The following CSMD3 variants were observed in gnomAD, a reference collection of about 807,000 sequenced individuals.
CSMD3 encodes the protein CUB and Sushi multiple domains 3.
Under a neutral mutation model 435.2 loss-of-function variants are expected in CSMD3, and 177 were observed. The observed-to-expected ratio is 0.41, with a 90% CI of 0.36 to 0.46. CSMD3 has a LOEUF of 0.46. CSMD3 is among the 20% of genes least tolerant of loss of function. CSMD3 has a pLI of 0.34. For synonymous variants in CSMD3, 1,656 were observed against 1,520.5 expected, an observed-to-expected ratio of 1.09 and a Z score of -2.07; for missense variants, 4,265 against 4,504.6, an observed-to-expected ratio of 0.95 and a Z score of 1.52.
At chr8:113,235,649 G>A (rs60083181) in intron 3 of CSMD3, among the ~76,000 whole-genome samples, 15,014 of 152,134 alleles carry the variant, frequency 0.099, 1,112 homozygotes, top group African/African-American at 0.2. Flanking sequence ...ACTTCTGAGT[G>A]TATGTGTGAG....
Position 112,311,121 on chromosome 8 carries a change from A to C in CSMD3, c.7742T>G (p.Ile2581Ser). 4 of 1,614,088 alleles carry C rather than the reference A, an allele frequency of 2.5e-6. No individual in the cohort carries two copies. Among genetic ancestry groups the C allele is most frequent in the Non-Finnish European group, 3.4e-6 (4 of 1,179,988 alleles). The change falls in exon 50 of 71, where the codon ATC becomes AGC. Residue 2581 changes from isoleucine (I) to serine (S), a missense_variant. Physicochemically the swap from Ile to Ser is moderately radical, Grantham distance 142 (BLOSUM62 -2). Coordinates refer to ENST00000297405, the MANE Select transcript of CSMD3 (RefSeq NM_198123.2). ...GTTAAGCTGCCCACCTGTCTGACTG[A>C]TAATATATCCATGAGGTGGGGATTC... is the stretch of plus-strand genomic sequence containing the variant. ...TPESPPHGYI[I>S]SQTGGQLNSV...
chr8:112,897,428 A>C (rs1366605983), intron 10 of CSMD3, among the ~76,000 whole-genome samples: 1 of 151,330 alleles, frequency 6.6e-6, no homozygotes, highest in African/African-American at 2.4e-5. Context: ...AGAGTGAAGG[A>C]AGTGAAGGGA....
intron 1 of CSMD3, among the ~76,000 whole-genome samples, chr8:113,345,100 T>C (rs2094143341): frequency 6.6e-6 from 1 of 152,106 alleles, no homozygotes. Flanking sequence ...AAGCACCCAA[T>C]GTACACAGAA....
At chr8:112,371,899 C>A (rs1035673115) in intron 38 of CSMD3, among the ~76,000 whole-genome samples, 7 of 150,906 alleles carry the variant, frequency 4.6e-5, no homozygotes, top group East Asian at 2.0e-4. Context: ...CAAAAAAAAA[C>A]CAAAAAAACA....
intron 54 of CSMD3, among the ~76,000 whole-genome samples, chr8:112,295,334 T>C (rs1349822141): frequency 6.6e-5 from 10 of 152,114 alleles, no homozygotes; most frequent in Non-Finnish European, 1.3e-4. Context: ...GCAAAGGTTC[T>C]TCATGTCATG....
Position 112,276,857 on chromosome 8 carries a change from C to T in CSMD3, c.9508+4317G>A, listed in dbSNP as rs370308359. Among the ~76,000 whole-genome samples, 12 of 152,142 alleles carry T rather than the reference C, an allele frequency of 7.9e-5. No individual in the cohort carries two copies. In the East Asian group the frequency reaches 1.9e-3, roughly 25 times the overall value. ...GCTGCCAAGGCTTGGGGCTTGCACA[C>T]TCCAAAGCCACAGCCTGAGCCATAC... On this transcript the variant is annotated intron_variant, in intron 59 of 70. Transcript: ENST00000297405.
chr8:113,409,379 G>T (rs551892125), intron 1 of CSMD3, among the ~76,000 whole-genome samples: 1 of 151,796 alleles, frequency 6.6e-6, no homozygotes, highest in African/African-American at 2.4e-5. Flanking sequence ...CACCGCGCCC[G>T]GCCAATAAGA....
At chr8:113,359,396 G>T (rs532170234) in intron 1 of CSMD3, among the ~76,000 whole-genome samples, 1 of 152,282 alleles carries the variant, frequency 6.6e-6, no homozygotes, top group African/African-American at 2.4e-5. Context: ...AGTAAAAGAA[G>T]AATTAAGTAA....
intron 37 of CSMD3, 129 bp from the exon 38 acceptor site, chr8:112,380,585 A>G: frequency 1.6e-6 from 1 of 635,934 alleles, no homozygotes; most frequent in Non-Finnish European, 2.8e-6. Flanking sequence ...TTTTCAAAAA[A>G]AATTTAATAG....
At chr8:112,384,776 G>A (rs919047502) in intron 36 of CSMD3, among the ~76,000 whole-genome samples, 6 of 152,218 alleles carry the variant, frequency 3.9e-5, no homozygotes, top group Non-Finnish European at 7.3e-5. Flanking sequence ...AGTGTTCTAA[G>A]ATAGGAATAA....
At chr8:113,411,051 G>C (rs1371337012) in intron 1 of CSMD3, among the ~76,000 whole-genome samples, 2 of 151,460 alleles carry the variant, frequency 1.3e-5, no homozygotes, top group African/African-American at 4.9e-5. Context: ...AGAGGAGAAA[G>C]ATAGGAAGGA....
chr8:113,282,593 G>A lies in CSMD3; in HGVS notation c.402-3889C>T, dbSNP rs2093620683. Reference sequence around the variant, plus strand: ...GCTGAAAGAAATCATAGATGACATGGACAAATGGAAACATACCATGCACAT... The same window carrying A: ...GCTGAAAGAAATCATAGATGACATGAACAAATGGAAACATACCATGCACAT... On this transcript the variant is annotated intron_variant, in intron 2 of 70. Coordinates refer to ENST00000297405, the MANE Select transcript of CSMD3 (RefSeq NM_198123.2). Among the ~76,000 whole-genome samples the A allele has an allele frequency of 2.0e-5, 3 of 151,776 alleles. No individual in the cohort carries two copies. In the South Asian group the frequency reaches 6.2e-4, roughly 32 times the overall value.
At chr8:112,514,877 G>C (rs945823067) in intron 28 of CSMD3, among the ~76,000 whole-genome samples, 13 of 152,006 alleles carry the variant, frequency 8.6e-5, no homozygotes, top group Admixed American at 4.6e-4. Context: ...GCATTCTGCA[G>C]CCTTAGCAAT....
chr8:113,279,499 CTT>C (rs1276763236), intron 2 of CSMD3, among the ~76,000 whole-genome samples: 2 of 151,550 alleles, frequency 1.3e-5, no homozygotes, highest in Admixed American at 1.3e-4. Context: ...ATTTAGAACA[CTT>C]TTATCATTAA....
chr8:112,949,015 T>A (rs1374263973), intron 8 of CSMD3, among the ~76,000 whole-genome samples: 1 of 152,016 alleles, frequency 6.6e-6, no homozygotes, highest in African/African-American at 2.4e-5. Flanking sequence ...ACTCAAGCCA[T>A]CCTCTTGCCT....
intron 30 of CSMD3, among the ~76,000 whole-genome samples, chr8:112,501,190 A>T (rs1821917395): frequency 6.6e-6 from 1 of 151,298 alleles, no homozygotes; most frequent in South Asian, 2.1e-4. Context: ...CAAATGACAA[A>T]CCCTGGGCAT....
chr8:112,272,532 C>T (rs1177536298), intron 59 of CSMD3, among the ~76,000 whole-genome samples: 2 of 151,970 alleles, frequency 1.3e-5, no homozygotes, highest in East Asian at 3.9e-4. Context: ...TAGAGAATAA[C>T]ATGAATGGAA....
chr8:112,492,862 A>G (rs1017905575), intron 30 of CSMD3, among the ~76,000 whole-genome samples, 179 bp from the exon 31 acceptor site: 1 of 152,024 alleles, frequency 6.6e-6, no homozygotes, highest in African/African-American at 2.4e-5. Flanking sequence ...AACATAGTAT[A>G]ACAACCGTTT....
intron 4 of CSMD3, among the ~76,000 whole-genome samples, chr8:113,162,763 T>G (rs1434640577): frequency 6.6e-6 from 1 of 152,182 alleles, no homozygotes; most frequent in African/African-American, 2.4e-5. Flanking sequence ...AGGGTTGTTA[T>G]ACATAGAATA....
Sources: gnomAD v4.1 joint callset for allele counts (sites outside exome capture counted in the v4.1 genomes callset) on GRCh38, gnomAD v4.1.1 for gene constraint, MANE v1.5 for transcripts, NCBI Gene and HGNC (gene_info 2026-07-23, HGNC 2026-07-21) for gene names.